CADM2: variants seen among roughly 807,000 people sequenced by gnomAD.
CADM2 encodes the protein cell adhesion molecule 2.
A neutral mutation model predicts 49.8 loss-of-function variants in CADM2; 12 were observed. The ratio of observed to expected loss-of-function variants is 0.24; its 90% confidence interval spans 0.15 to 0.39. The LOEUF (loss-of-function observed/expected upper bound fraction) is 0.39. Ranked by LOEUF, CADM2 falls within the 10% of genes least tolerant of loss-of-function variation. The probability of loss-of-function intolerance (pLI) is 1.00; values close to 1 mark genes in which losing one functional copy is unlikely to be tolerated. For synonymous variants in CADM2, 214 were observed against 175.4 expected (o/e 1.22, Z -1.74); for missense variants, 378 against 492.3 (o/e 0.77, Z 2.20).
At chr3:85,797,323 G>C (rs1026227355) in intron 2 of CADM2, among the ~76,000 whole-genome samples, 5 of 151,848 alleles carry the variant, frequency 3.3e-5, no homozygotes, top group African/African-American at 1.2e-4. Context: ...TTGTTCCATA[G>C]GTATACATGT....
chr3:85,819,624 T>C (rs543584631), intron 3 of CADM2, among the ~76,000 whole-genome samples: 1 of 152,306 alleles, frequency 6.6e-6, no homozygotes, highest in East Asian at 1.9e-4. Context: ...AAATTAATTA[T>C]AATTCTGAGT....
intron 2 of CADM2, among the ~76,000 whole-genome samples, chr3:85,736,449 C>G (rs957785547): frequency 3.9e-5 from 6 of 152,106 alleles, no homozygotes; most frequent in African/African-American, 1.4e-4. Flanking sequence ...TGCTGAATAA[C>G]TAGTGAGCAT....
chr3:85,779,937 A>G (rs2070550211), intron 2 of CADM2, among the ~76,000 whole-genome samples: 1 of 152,178 alleles, frequency 6.6e-6, no homozygotes, highest in Admixed American at 6.6e-5. Context: ...ACAATGATTG[A>G]ACTGGTGAAG....
intron 1 of CADM2, among the ~76,000 whole-genome samples, chr3:85,097,602 T>C (rs2037848881): frequency 6.6e-6 from 1 of 152,214 alleles, no homozygotes; most frequent in African/African-American, 2.4e-5. Context: ...TTGAACTAGT[T>C]TACAGTCCCA....
chr3:85,933,070 C>G (rs1331071083), intron 6 of CADM2, among the ~76,000 whole-genome samples: 1 of 152,140 alleles, frequency 6.6e-6, no homozygotes, highest in African/African-American at 2.4e-5. Flanking sequence ...GTGCGTTCCT[C>G]TTTTCTCACA....
chr3:85,486,858 C>G (rs1453872733), intron 1 of CADM2, among the ~76,000 whole-genome samples: 4 of 152,016 alleles, frequency 2.6e-5, no homozygotes, highest in Admixed American at 2.6e-4. Flanking sequence ...AATGTCAAAT[C>G]CAAAGGAATG....
At chr3:85,801,417 A>C (rs748899933) in intron 2 of CADM2, among the ~76,000 whole-genome samples, 113 of 152,230 alleles carry the variant, frequency 7.4e-4, no homozygotes, top group Non-Finnish European at 1.1e-3. Flanking sequence ...AACCTATATC[A>C]CCTAGGATTA....
intron 1 of CADM2, among the ~76,000 whole-genome samples, chr3:85,027,964 A>AT (rs559811809): frequency 2.6e-5 from 4 of 151,944 alleles, no homozygotes; most frequent in East Asian, 1.9e-4. Context: ...TGCATACAGA[A>AT]TTTTTTTTCT....
intron 1 of CADM2, among the ~76,000 whole-genome samples, chr3:85,321,167 G>T (rs2044602850): frequency 2.7e-5 from 1 of 37,698 alleles, no homozygotes; most frequent in Non-Finnish European, 5.5e-5. Flanking sequence ...TTTTTTTTTT[G>T]CGAGAGAGAG....
rs554247319 is a variant in CADM2, at chr3:84,961,610, C to CTG, written c.61+1954_61+1955dup. Among the ~76,000 whole-genome samples, 8 of 151,478 alleles carry CTG rather than the reference C, an allele frequency of 5.3e-5. 1 individual carries two copies. In the South Asian group the frequency reaches 6.3e-4, roughly 12 times the overall value. On this transcript the variant is annotated intron_variant, in intron 1 of 9. Coordinates refer to ENST00000383699, the MANE Select transcript of CADM2 (RefSeq NM_001167675.2). ...CAGTAACTTGCATTTCTCAGCTCTG[C>CTG]TGTGTGTGTGTGTATGTGTGTGTGT...
At chr3:85,967,679 C>T (rs1203695318) in intron 8 of CADM2, among the ~76,000 whole-genome samples, 1 of 151,390 alleles carries the variant, frequency 6.6e-6, no homozygotes, top group Non-Finnish European at 1.5e-5. Context: ...GTAGCTAGGC[C>T]GGAAGATTGC....
chr3:85,570,475 A>G (rs2062443213), intron 1 of CADM2, among the ~76,000 whole-genome samples: 1 of 152,190 alleles, frequency 6.6e-6, no homozygotes, highest in Admixed American at 6.5e-5. Flanking sequence ...TTGTAGATAT[A>G]TATTTACTTT....
chr3:85,075,594 AGTTT>A (rs1341659690), intron 1 of CADM2, among the ~76,000 whole-genome samples: 6 of 152,224 alleles, frequency 3.9e-5, no homozygotes, highest in African/African-American at 1.2e-4. Context: ...TAATATTCTC[AGTTT>A]GTTTGTTCTT....
At chr3:85,396,868 C>G (rs886140604) in intron 1 of CADM2, among the ~76,000 whole-genome samples, 47 of 151,976 alleles carry the variant, frequency 3.1e-4, no homozygotes, top group African/African-American at 1.1e-3. Context: ...GACATGACAC[C>G]TAAAAGCAAA....
chr3:85,737,425 G>A lies in CADM2; in HGVS notation c.88+10877G>A, dbSNP rs181749717. On this transcript the variant is annotated intron_variant, in intron 2 of 9. Coordinates refer to ENST00000383699, the MANE Select transcript of CADM2 (RefSeq NM_001167675.2). ...ATTCTAGTTGTTTCTATTTTGAACAGGGCAGATGAAAAGTTACTTGTACAT... is the reference window on the plus strand; with the variant it reads ...ATTCTAGTTGTTTCTATTTTGAACAAGGCAGATGAAAAGTTACTTGTACAT... 5.9e-5 allele frequency among the ~76,000 whole-genome samples: 9 copies of A among 152,232 alleles called. No homozygotes were observed. The East Asian group carries it at 1.7e-3, about 29-fold the overall frequency.
rs986202300 is a variant in CADM2 at position 85,196,182 on chromosome 3, G to A, written c.61+236514G>A. 4.6e-5 allele frequency among the ~76,000 whole-genome samples: 7 copies of A among 152,074 alleles called. No individual in the cohort carries two copies. The South Asian group carries it at 6.2e-4, about 14-fold the overall frequency. ...CCAAACTTTTTTCTACCTCCAGCTC[G>A]TCTTATGACAATTTGCCTTCATTTT... On this transcript the variant is annotated intron_variant, in intron 1 of 9. Transcript: ENST00000383699.
At chr3:85,423,702 G>A (rs781441895) in intron 1 of CADM2, among the ~76,000 whole-genome samples, 3 of 152,124 alleles carry the variant, frequency 2.0e-5, no homozygotes, top group African/African-American at 4.8e-5. Flanking sequence ...CCATTGCCCA[G>A]AGACTGATGT....
intron 1 of CADM2, among the ~76,000 whole-genome samples, chr3:85,494,925 GA>G (rs2039825537): frequency 6.6e-6 from 1 of 152,130 alleles, no homozygotes; most frequent in Non-Finnish European, 1.5e-5. Context: ...TGGGGCGAAA[GA>G]AAACGTTAGA....
chr3:85,583,520 C>G (rs2062853812), intron 1 of CADM2, among the ~76,000 whole-genome samples: 2 of 151,988 alleles, frequency 1.3e-5, no homozygotes. Flanking sequence ...GCTTTGGAAA[C>G]ATAGTGGAAA....
Sources: gnomAD v4.1 joint callset for allele counts (sites outside exome capture counted in the v4.1 genomes callset) on GRCh38, gnomAD v4.1.1 for gene constraint, MANE v1.5 for transcripts, NCBI Gene and HGNC (gene_info 2026-07-23, HGNC 2026-07-21) for gene names.